Variants in SND1 observed in about 807,000 individuals in gnomAD.
SND1 encodes staphylococcal nuclease and tudor domain containing 1.
A neutral mutation model predicts 121.7 loss-of-function variants in SND1; 38 were observed. The observed-to-expected ratio is 0.31, with a 90% CI of 0.24 to 0.41. The LOEUF (loss-of-function observed/expected upper bound fraction) is 0.41. Ranked by LOEUF, SND1 falls within the 10% of genes least tolerant of loss-of-function variation. SND1 has a pLI of 1.00. For missense variants in SND1, 868 were observed against 1,184.6 expected (o/e 0.73, Z 3.92); for synonymous variants, 401 against 447.4 (o/e 0.90, Z 1.31).
intron 16 of SND1, among the ~76,000 whole-genome samples, chr7:128,063,079 C>T (rs893939948): frequency 2.6e-5 from 4 of 152,170 alleles, no homozygotes; most frequent in African/African-American, 7.2e-5. Flanking sequence ...CATCTGTGGC[C>T]TCACCCCACC....
intron 12 of SND1, among the ~76,000 whole-genome samples, chr7:127,857,483 T>C (rs1799301141): frequency 6.6e-6 from 1 of 151,108 alleles, no homozygotes; most frequent in South Asian, 2.1e-4. Context: ...TTTTTAAAAA[T>C]GTATTTTTGT....
At chr7:127,890,586 C>T (rs1799992386) in intron 13 of SND1, among the ~76,000 whole-genome samples, 1 of 152,070 alleles carries the variant, frequency 6.6e-6, no homozygotes, top group Non-Finnish European at 1.5e-5. Context: ...CTTCACACTG[C>T]CACCAGTGAA....
chr7:128,081,651 C>G, intron 18 of SND1, 150 bp downstream of exon 18: 2 of 854,786 alleles, frequency 2.3e-6, no homozygotes, highest in South Asian at 3.2e-5. Context: ...GCCCCTGTCT[C>G]CCTGCCTTGT....
intron 17 of SND1, among the ~76,000 whole-genome samples, chr7:128,075,258 T>C (rs1793488271): frequency 6.6e-6 from 1 of 152,200 alleles, no homozygotes; most frequent in African/African-American, 2.4e-5. Flanking sequence ...TGCAGTGATT[T>C]GGAGGTGGGA....
Position 127,876,278 on chromosome 7 carries a change from G to A in SND1, c.1344-11624G>A, listed in dbSNP as rs116221940. On this transcript the variant is annotated intron_variant, in intron 12 of 23. Transcript: ENST00000354725. ...ATTACTTGCCAACCTAATCCTTTAAGAAGATTCAGCTGACAGTGTTTGGAA... is the reference window on the plus strand; with the variant it reads ...ATTACTTGCCAACCTAATCCTTTAAAAAGATTCAGCTGACAGTGTTTGGAA... Among the ~76,000 whole-genome samples, 852 of 152,250 alleles carry A rather than the reference G, an allele frequency of 5.6e-3. 14 individuals carry two copies. Among genetic ancestry groups the A allele is most frequent in the African/African-American group, 0.02 (811 of 41,546 alleles).
chr7:127,891,614 G>A (rs904244384), intron 13 of SND1, among the ~76,000 whole-genome samples: 8 of 151,958 alleles, frequency 5.3e-5, no homozygotes, highest in Non-Finnish European at 1.2e-4. Flanking sequence ...TTATGCCCCT[G>A]TCAATGCATT....
At chr7:127,675,766 C>T (rs1277092853) in intron 1 of SND1, among the ~76,000 whole-genome samples, 2 of 152,160 alleles carry the variant, frequency 1.3e-5, no homozygotes, top group African/African-American at 4.8e-5. Context: ...GTTACCTATC[C>T]TGAAAGATTT....
intron 16 of SND1, among the ~76,000 whole-genome samples, chr7:128,068,082 G>A (rs1016768427): frequency 7.2e-5 from 11 of 152,010 alleles, no homozygotes; most frequent in Non-Finnish European, 1.2e-4. Context: ...TCAGCTTTGC[G>A]CCTACTTGGA....
At chr7:127,687,481 T>A (rs1192715002) in intron 2 of SND1, among the ~76,000 whole-genome samples, 2 of 152,112 alleles carry the variant, frequency 1.3e-5, no homozygotes, top group Admixed American at 6.6e-5. Flanking sequence ...CTTCTCCCCT[T>A]TTGGAGTCCC....
intron 15 of SND1, among the ~76,000 whole-genome samples, chr7:127,929,699 G>T (rs555562191): frequency 6.6e-6 from 1 of 152,226 alleles, no homozygotes; most frequent in South Asian, 2.1e-4. Flanking sequence ...TAGTTGTGGG[G>T]AGGCCTCAGA....
intron 10 of SND1, among the ~76,000 whole-genome samples, chr7:127,771,647 C>G (rs532895979): frequency 6.6e-6 from 1 of 152,108 alleles, no homozygotes. Context: ...CCCCTATACA[C>G]ATACATACAC....
At chr7:127,662,243 C>T (rs971713177) in intron 1 of SND1, among the ~76,000 whole-genome samples, 1 of 152,220 alleles carries the variant, frequency 6.6e-6, no homozygotes. Context: ...CACACCCTCT[C>T]CTCCTTTTTA....
intron 15 of SND1, among the ~76,000 whole-genome samples, chr7:127,979,794 C>G (rs1802215593): frequency 1.3e-5 from 2 of 152,212 alleles, no homozygotes; most frequent in South Asian, 4.1e-4. Flanking sequence ...TATAACATGT[C>G]ACAAATATTC....
intron 11 of SND1, among the ~76,000 whole-genome samples, chr7:127,838,394 T>G (rs995696478): frequency 2.0e-5 from 3 of 152,142 alleles, no homozygotes; most frequent in African/African-American, 4.8e-5. Flanking sequence ...GAAGAGAAAT[T>G]TATTATATCC....
chr7:128,088,176 A>C (rs936880742), intron 21 of SND1, among the ~76,000 whole-genome samples: 1 of 151,918 alleles, frequency 6.6e-6, no homozygotes, highest in Non-Finnish European at 1.5e-5. Flanking sequence ...AGTCAGGTGC[A>C]GTGGCTCACG....
intron 11 of SND1, among the ~76,000 whole-genome samples, chr7:127,816,669 T>TTC (rs1250015458): frequency 6.6e-6 from 1 of 150,962 alleles, no homozygotes; most frequent in East Asian, 1.9e-4. Context: ...ACTCTTTTTT[T>TTC]TTTTTTTTTT....
intron 10 of SND1, among the ~76,000 whole-genome samples, chr7:127,752,142 TC>T: frequency 6.6e-6 from 1 of 152,354 alleles, no homozygotes; most frequent in African/African-American, 2.4e-5. Context: ...GATATTGTCT[TC>T]CTAATATAAC....
chr7:127,925,716 G>T (rs1800816114), intron 14 of SND1, among the ~76,000 whole-genome samples: 1 of 150,792 alleles, frequency 6.6e-6, no homozygotes, highest in African/African-American at 2.4e-5. Context: ...CGATTCTCCT[G>T]CCTCAGCCTC....
At chr7:127,997,285 A>C (rs569345328) in intron 16 of SND1, among the ~76,000 whole-genome samples, 8 of 152,192 alleles carry the variant, frequency 5.3e-5, no homozygotes, top group Non-Finnish European at 1.2e-4. Flanking sequence ...ACCATTTTTC[A>C]ACCATAGAAT....
Sources: allele counts gnomAD v4.1 joint callset (sites outside exome capture counted in the v4.1 genomes callset), GRCh38; gene constraint gnomAD v4.1.1; transcripts MANE v1.5; gene names NCBI Gene and HGNC (gene_info 2026-07-23, HGNC 2026-07-21).